DLG5: variants seen among roughly 807,000 people sequenced by gnomAD.
DLG5 encodes the protein disks large homolog 5.
DLG5 carries 48 observed loss-of-function variants against 189.8 expected under a neutral mutation model. That is an observed-to-expected ratio of 0.25 (90% confidence interval 0.20 to 0.32). The LOEUF (loss-of-function observed/expected upper bound fraction) is 0.32, where lower values mean the gene tolerates loss of function less well. Among genes scored for constraint, DLG5 ranks in the 10% least tolerant of loss-of-function variants. The pLI is 1.00. For missense variants in DLG5, 2,160 were observed against 2,544.7 expected (o/e 0.85, Z 3.25); for synonymous variants, 1,016 against 1,054.1 (o/e 0.96, Z 0.70).
chr10:77,838,430 G>GGA (rs1843254867), intron 7 of DLG5, among the ~76,000 whole-genome samples: 1 of 152,118 alleles, frequency 6.6e-6, no homozygotes, highest in South Asian at 2.1e-4. Context: ...CGGCCTTAGG[G>GGA]GAGCTCCCGA....
Position 77,834,027 on chromosome 10 carries a change from G to T in DLG5, c.1635C>A (p.Asp545Glu). 6.2e-7 allele frequency: 1 copy of T among 1,609,558 alleles called. No homozygotes were observed. Among genetic ancestry groups the T allele is most frequent in the Non-Finnish European group, 8.5e-7 (1 of 1,179,782 alleles). Residue 545 changes from aspartate (D) to glutamate (E), a missense_variant, in exon 9 of 32, where the codon GAC becomes GAA. This residue lies in a region of DLG5 where 664 missense variants were observed against 838.5 expected (regional missense o/e 0.79). Transcript: ENST00000372391. ...CACGGTCCCGCTCCCGCCTCAGGTT[G>T]TCACACAGTGTCCTGGTGGAAGGAG... ...AERDSIRTLC[D>E]NLRRERDRAV... is the part of the protein sequence containing the mutation.
rs1392008710 is a variant in DLG5, at chr10:77,926,712, G to A, written c.-192C>T. 5.8e-6 allele frequency: 1 copy of A among 172,616 alleles called. No homozygotes were observed. Among genetic ancestry groups the A allele is most frequent in the Non-Finnish European group, 1.1e-5 (1 of 87,810 alleles). The allele number at this position is 172,616 out of a possible 1,614,324, so 10.7% of individuals were successfully genotyped here. On this transcript the variant is annotated 5_prime_UTR_variant, in exon 1 of 32. Coordinates refer to ENST00000372391, the MANE Select transcript of DLG5 (RefSeq NM_004747.4). The surrounding 1 kb of genome is among the most constrained non-coding windows in gnomAD (Gnocchi z 5.2). ...GGCGCTCAGCAGCGGCCGCCTCCCG[G>A]GCTCCGGAGCGCAGCCATGTTGGCT...
intron 5 of DLG5, among the ~76,000 whole-genome samples, chr10:77,850,062 A>G (rs995049829): frequency 7.2e-5 from 11 of 152,108 alleles, no homozygotes; most frequent in Non-Finnish European, 1.3e-4. Context: ...CTGAGTTATA[A>G]TTTACATACC....
intron 2 of DLG5, among the ~76,000 whole-genome samples, chr10:77,867,338 A>G (rs928051774): frequency 6.6e-6 from 1 of 152,184 alleles, no homozygotes; most frequent in Admixed American, 6.5e-5. Context: ...GAGTTTACTG[A>G]TTGCTATCTG....
At chr10:77,894,529 A>G (rs1228309944) in intron 1 of DLG5, among the ~76,000 whole-genome samples, 1 of 148,060 alleles carries the variant, frequency 6.8e-6, no homozygotes, top group African/African-American at 2.5e-5. Flanking sequence ...CTTTATTGTC[A>G]GCAAAGAATA....
chr10:77,792,746 TAAA>T, intron 31 of DLG5: 1 of 584,980 alleles, frequency 1.7e-6, no homozygotes. Context: ...CACTCATATG[TAAA>T]CTGCCCACCC....
chr10:77,832,831 A>G (rs1479422291), intron 9 of DLG5, among the ~76,000 whole-genome samples: 2 of 152,178 alleles, frequency 1.3e-5, no homozygotes, highest in Non-Finnish European at 2.9e-5. Context: ...TGCTAGACCC[A>G]AGATGGTTCC....
intron 13 of DLG5, among the ~76,000 whole-genome samples, chr10:77,825,364 CCACACACAACCACACACACA>C (rs1842570405): frequency 1.2e-5 from 1 of 82,450 alleles, no homozygotes; most frequent in African/African-American, 4.6e-5. Flanking sequence ...ATGTGTTTAA[CCACACACAACCACACACACA>C]CACACACACA....
intron 1 of DLG5, among the ~76,000 whole-genome samples, chr10:77,900,466 G>A (rs1845890557): frequency 6.6e-6 from 1 of 152,182 alleles, no homozygotes; most frequent in Non-Finnish European, 1.5e-5. Flanking sequence ...TCCTTCAGGA[G>A]ACAGACCTTC....
At position 77,796,287 on chromosome 10, in the gene DLG5, C is replaced by CA; in HGVS notation, c.5309-100dup. On this transcript the variant is annotated intron_variant, in intron 28 of 31. Transcript: ENST00000372391. The surrounding 1 kb of genome is among the most constrained non-coding windows in gnomAD (Gnocchi z 5.2). The stretch of plus-strand genomic sequence containing the variant: ...CACTGCTCAGCAGCTGTCAGTAACC[C>CA]AGTCCTGCCATGCATGAATCTGACC... 1.9e-6 allele frequency: 3 copies of CA among 1,597,806 alleles called. No individual in the cohort carries two copies. The South Asian group carries it at 3.3e-5, about 18-fold the overall frequency.
chr10:77,909,671 A>G lies in DLG5; in HGVS notation c.304+16546T>C, dbSNP rs78575905. On this transcript the variant is annotated intron_variant, in intron 1 of 31. Transcript: ENST00000372391. Reference sequence around the variant, plus strand: ...GAAAGGTGGTTTGCCATTTTCTAGCAAAAATGAGTGGGGGGATACATAGGC... The same window carrying G: ...GAAAGGTGGTTTGCCATTTTCTAGCGAAAATGAGTGGGGGGATACATAGGC... Among the ~76,000 whole-genome samples, 323 of 152,270 alleles carry G rather than the reference A, an allele frequency of 2.1e-3. 4 individuals are homozygous for G. The highest frequency in any genetic ancestry group is 0.021 in the East Asian group (108 of 5,170).
chr10:77,905,148 CT>C (rs1169010586), intron 1 of DLG5, among the ~76,000 whole-genome samples: 1 of 150,698 alleles, frequency 6.6e-6, no homozygotes, highest in Non-Finnish European at 1.5e-5. Flanking sequence ...AAAAAAAACT[CT>C]CCTGGCTCCT....
chr10:77,838,323 G>C (rs1347909836), intron 7 of DLG5, among the ~76,000 whole-genome samples: 1 of 152,184 alleles, frequency 6.6e-6, no homozygotes, highest in African/African-American at 2.4e-5. Context: ...ACAGCTTCCA[G>C]TGGTGCCGAC....
the DLG5 span, among the ~76,000 whole-genome samples, chr10:77,934,356 AGTG>A: frequency 7.4e-6 from 1 of 134,628 alleles, no homozygotes; most frequent in Non-Finnish European, 1.6e-5. Context: ...GGGCAATAAG[AGTG>A]AAACTCCATC....
intron 27 of DLG5, among the ~76,000 whole-genome samples, chr10:77,800,006 G>C (rs1368577518): frequency 6.6e-6 from 1 of 152,140 alleles, no homozygotes; most frequent in Non-Finnish European, 1.5e-5. Flanking sequence ...GCCCCTAAAA[G>C]AGCAAGCATA....
At chr10:77,868,054 C>T (rs1188743767) in intron 2 of DLG5, 6 of 456,556 alleles carry the variant, frequency 1.3e-5, no homozygotes, top group Middle Eastern at 3.2e-4. Flanking sequence ...GAGAGAGGCC[C>T]GGGACAGATC....
intron 1 of DLG5, among the ~76,000 whole-genome samples, chr10:77,886,394 T>TC (rs1464966393): frequency 2.0e-5 from 3 of 151,264 alleles, no homozygotes; most frequent in Non-Finnish European, 4.4e-5. Flanking sequence ...CTTTTTTTTT[T>TC]TTTGGAGACA....
intron 5 of DLG5, among the ~76,000 whole-genome samples, chr10:77,849,922 T>C (rs950342494): frequency 9.9e-5 from 15 of 152,224 alleles, no homozygotes; most frequent in African/African-American, 3.4e-4. Flanking sequence ...CAGGCTGATC[T>C]TGGACTCCTG....
At position 77,830,491 on chromosome 10, in the gene DLG5, A is replaced by G; in HGVS notation, c.1882-147T>C. On this transcript the variant is annotated intron_variant, in intron 10 of 31. Transcript: ENST00000372391. Reference sequence around the variant, plus strand: ...CACTCCATCCCCAGGATGGAAACCTATGAGTATCTGCAACCTGCCCCTTCT... The same window carrying G: ...CACTCCATCCCCAGGATGGAAACCTGTGAGTATCTGCAACCTGCCCCTTCT... 3 of 1,327,060 alleles carry G rather than the reference A, an allele frequency of 2.3e-6. 1 individual carries two copies. In the South Asian group the frequency reaches 4.2e-5, roughly 19 times the overall value. 82.2% of individuals were successfully genotyped at this position (1,327,060 alleles called of 1,614,324 possible). A position where few individuals can be genotyped will look rare whatever the true frequency, so the allele number is the denominator to read the frequency against.
Sources: gnomAD v4.1 joint callset for allele counts (sites outside exome capture counted in the v4.1 genomes callset) on GRCh38, gnomAD v4.1.1 for gene constraint, gnomAD v4.1.1 regional missense constraint, Gnocchi (gnomAD v3.1) non-coding constraint, MANE v1.5 for transcripts, NCBI Gene and HGNC (gene_info 2026-07-23, HGNC 2026-07-21) for gene names.